Variants in THEMIS2 observed in about 807,000 individuals in gnomAD.
The protein encoded by THEMIS2 is thymocyte selection associated family member 2, also known as protein THEMIS2.
In THEMIS2, 29 loss-of-function variants were observed where a neutral mutation model predicts 46.8. That is an observed-to-expected ratio of 0.62 (90% CI 0.46 to 0.84). The LOEUF (loss-of-function observed/expected upper bound fraction) is 0.84, where lower values mean the gene tolerates loss of function less well. Among genes scored for constraint, THEMIS2 ranks in the 40% least tolerant of loss-of-function variants. THEMIS2 has a pLI of 0.00. For missense variants in THEMIS2, 698 were observed against 834.7 expected (o/e 0.84, Z 2.02); for synonymous variants, 335 against 349.1 (o/e 0.96, Z 0.45).
chr1:27,874,116 C>G (rs1348801364), intron 1 of THEMIS2, among the ~76,000 whole-genome samples: 1 of 148,156 alleles, frequency 6.7e-6, no homozygotes, highest in Non-Finnish European at 1.5e-5. Context: ...ACTGCGGCCT[C>G]GACCTCCTGG....
intron 1 of THEMIS2, among the ~76,000 whole-genome samples, 177 bp from the exon 2 acceptor site, chr1:27,876,411 G>C (rs1056560559): frequency 2.0e-5 from 3 of 152,246 alleles, no homozygotes; most frequent in Non-Finnish European, 4.4e-5. Context: ...GAGGGGCAAG[G>C]ACAGCTGAGG....
At position 27,885,859 on chromosome 1, in the gene THEMIS2, T is replaced by C. The variant is rs1285710350; in HGVS notation, c.1877-8T>C. 1 of 1,613,948 alleles carries C rather than the reference T, an allele frequency of 6.2e-7. No individual in the cohort carries two copies. Among genetic ancestry groups the C allele is most frequent in the East Asian group, 2.2e-5 (1 of 44,886 alleles). On this transcript the variant is annotated splice_region_variant and splice_polypyrimidine_tract_variant and intron_variant, in intron 5 of 5. Coordinates refer to ENST00000373921, the MANE Select transcript of THEMIS2 (RefSeq NM_001105556.3). ...TAAAGATCCTCATTGACTCGGACTCTTTTGCAGATGATGATGAACATGATT... is the reference window on the plus strand; with the variant it reads ...TAAAGATCCTCATTGACTCGGACTCCTTTGCAGATGATGATGAACATGATT...
chr1:27,882,452 G>A lies in THEMIS2; in HGVS notation c.1128G>A (p.Val376=), dbSNP rs368788437. ...TGGCTGTGGGTGACCGGCTGGAGGT[G>A]CTGGGGCCTGGCCAGGCCCATGGGG... The part of the protein sequence containing the change: ...TSLAVGDRLE[V]LGPGQAHGAQ... Residue 376 remains valine, a synonymous_variant, in exon 4 of 6, where the codon GTG becomes GTA. Transcript: ENST00000373921. The surrounding 1 kb of genome is among the most constrained non-coding windows in gnomAD (Gnocchi z 7.6). 2 of 1,612,780 alleles carry A rather than the reference G, an allele frequency of 1.2e-6. No homozygotes were observed. Among genetic ancestry groups the A allele is most frequent in the Non-Finnish European group, 1.7e-6 (2 of 1,179,010 alleles).
intron 1 of THEMIS2, 147 bp from the exon 2 acceptor site, chr1:27,876,441 T>C: frequency 1.0e-6 from 1 of 980,890 alleles, no homozygotes; most frequent in Non-Finnish European, 1.5e-6. Flanking sequence ...CCTGTGGGCA[T>C]GAGGCAGGAA....
rs2089707859 is a variant in THEMIS2 at position 27,882,822 on chromosome 1, A to G, written c.1498A>G (p.Ile500Val). Reference protein sequence around the residue: ...LDSEPGMCFEIPPRWLDLTVV... With the variant: ...LDSEPGMCFEVPPRWLDLTVV... ...CTCTGAGCCTGGGATGTGCTTTGAG[A>G]TCCCTCCCCGGTGGCTGGACCTGAC... is the stretch of plus-strand genomic sequence containing the variant. The change falls in exon 4 of 6, where the codon ATC (isoleucine) becomes GTC (valine). Residue 500 changes from isoleucine (I) to valine (V), a missense_variant. Physicochemically the swap from Ile to Val is conservative, Grantham distance 29. Transcript: ENST00000373921. This position sits in a 1 kb window ranked among gnomAD's most constrained non-coding sequence, Gnocchi z 7.6. 1 of 1,613,632 alleles carries G rather than the reference A, an allele frequency of 6.2e-7. No individual in the cohort carries two copies. Among genetic ancestry groups the G allele is most frequent in the Non-Finnish European group, 8.5e-7 (1 of 1,179,840 alleles).
chr1:27,879,865 C>A lies in THEMIS2; in HGVS notation c.457C>A (p.Gln153Lys), dbSNP rs764238122. ...SARCVLGMEG[Q>K]QVILHLPLSQ... is the part of the protein sequence containing the mutation. ...CCGCTGTGTCCTGGGCATGGAGGGT[C>A]AGCAGGTCATCCTGCACCTGCCCCT... The change falls in exon 3 of 6, where the codon CAG becomes AAG. Residue 153 changes from glutamine to lysine, a missense_variant. Transcript: ENST00000373921. 2 of 1,613,070 alleles carry A rather than the reference C, an allele frequency of 1.2e-6. No homozygotes were observed. Among genetic ancestry groups the A allele is most frequent in the South Asian group, 2.2e-5 (2 of 91,034 alleles).
rs775325762 is a variant in THEMIS2 at position 27,881,930 on chromosome 1, TG to T, written c.647-37del. On this transcript the variant is annotated intron_variant, in intron 3 of 5. Transcript: ENST00000373921. ...CTATGCCTGGGGTGGGGGCCACTCC[TG>T]GGGTGGCATGCAGTGCCACTGAGCT... 8.6e-6 allele frequency: 13 copies of T among 1,517,990 alleles called. No homozygotes were observed. The East Asian group carries it at 3.0e-4, about 35-fold the overall frequency. 94.0% of individuals were successfully genotyped at this position (1,517,990 alleles called of 1,614,324 possible).
rs911934389 is a variant in THEMIS2 at position 27,886,144 on chromosome 1, G to A, written c.*222G>A. 2.9e-5 allele frequency: 16 copies of A among 555,040 alleles called. No homozygotes were observed. Among genetic ancestry groups the A allele is most frequent in the Non-Finnish European group, 4.5e-5 (14 of 310,174 alleles). 34.4% of individuals were successfully genotyped at this position (555,040 alleles called of 1,614,324 possible). A position where few individuals can be genotyped will look rare whatever the true frequency, so the allele number is the denominator to read the frequency against. On this transcript the variant is annotated 3_prime_UTR_variant, in exon 6 of 6. Coordinates refer to ENST00000373921, the MANE Select transcript of THEMIS2 (RefSeq NM_001105556.3). ...CTGGTTTGGACCTAACATCTCGCAC[G>A]TGACTCCCTCAGCCTCAGAGCCTTG...
chr1:27,876,469 C>A (rs2089581207), intron 1 of THEMIS2, 119 bp from the exon 2 acceptor site: 1 of 1,296,042 alleles, frequency 7.7e-7, no homozygotes, highest in Non-Finnish European at 1.1e-6. Flanking sequence ...GCAGGGCATG[C>A]CAGGCAGCAG....
Position 27,882,589 on chromosome 1 carries a change from T to C in THEMIS2, c.1265T>C (p.Leu422Pro). ...EEAESPERVL[L>P]PFHFPGSFVE... The stretch of plus-strand genomic sequence containing the variant: ...GCAGAGAGCCCAGAGCGGGTCCTGC[T>C]GCCCTTCCACTTCCCTGGCAGTTTC... The change falls in exon 4 of 6, where the codon CTG (leucine) becomes CCG (proline). Residue 422 changes from leucine (L) to proline (P), a missense_variant. Coordinates refer to ENST00000373921, the MANE Select transcript of THEMIS2 (RefSeq NM_001105556.3). The surrounding 1 kb of genome is among the most constrained non-coding windows in gnomAD (Gnocchi z 7.6). The C allele has an allele frequency of 2.5e-6, 4 of 1,614,166 alleles. No homozygotes were observed. The highest frequency in any genetic ancestry group is 3.4e-6 in the Non-Finnish European group (4 of 1,180,034).
rs773668991 is a variant in THEMIS2 at position 27,882,600 on chromosome 1, T to G, written c.1276T>G (p.Phe426Val). 22 of 1,613,998 alleles carry G rather than the reference T, an allele frequency of 1.4e-5. No individual in the cohort carries two copies. The highest frequency in any genetic ancestry group is 6.7e-5 in the Admixed American group (4 of 59,998). ...AGAGCGGGTCCTGCTGCCCTTCCAC[T>G]TCCCTGGCAGTTTCGTGGAGGAGAT... ...SPERVLLPFH[F>V]PGSFVEEMSD... Residue 426 changes from phenylalanine to valine, a missense_variant, in exon 4 of 6, where the codon TTC becomes GTC. By Grantham distance (50) the Phe-to-Val change is conservative. Transcript: ENST00000373921. The surrounding 1 kb of genome is among the most constrained non-coding windows in gnomAD (Gnocchi z 7.6).
In THEMIS2 at chr1:27,885,354, C is replaced by G; in HGVS notation, c.1779C>G (p.Thr593=). 1 of 1,614,182 alleles carries G rather than the reference C, an allele frequency of 6.2e-7. No homozygotes were observed. Residue 593 remains threonine (T), a synonymous_variant, in exon 5 of 6, where the codon ACC becomes ACG. Transcript: ENST00000373921. Reference sequence around the variant, plus strand: ...GGCTGCCCAAACCCAAGGCGAAGACCTTGCCAGAGTTCATCAAGGATGGCT... The same window carrying G: ...GGCTGCCCAAACCCAAGGCGAAGACGTTGCCAGAGTTCATCAAGGATGGCT... ...HARLPKPKAK[T]LPEFIKDGSS...
At chr1:27,880,817 C>T (rs2089666953) in intron 3 of THEMIS2, among the ~76,000 whole-genome samples, 1 of 152,018 alleles carries the variant, frequency 6.6e-6, no homozygotes, top group Non-Finnish European at 1.5e-5. Context: ...CTTGCTCTGT[C>T]ACCCAGGCTG....
In THEMIS2 at chr1:27,885,874, T is replaced by A; in HGVS notation, c.1884T>A (p.Asp628Glu). 6.2e-7 allele frequency: 1 copy of A among 1,614,028 alleles called. No homozygotes were observed. Among genetic ancestry groups the A allele is most frequent in the Admixed American group, 1.7e-5 (1 of 60,008 alleles). ...AKPQRQDLDDDEHDYEEILEQ... is the reference protein window; with the variant it reads ...AKPQRQDLDDEEHDYEEILEQ... ...ACTCGGACTCTTTTGCAGATGATGA[T>A]GAACATGATTATGAAGAAATACTTG... Residue 628 changes from aspartate (D) to glutamate (E), a missense_variant, in exon 6 of 6, where the codon GAT (aspartate) becomes GAA (glutamate). Physicochemically the swap from Asp to Glu is conservative, Grantham distance 45. Coordinates refer to ENST00000373921, the MANE Select transcript of THEMIS2 (RefSeq NM_001105556.3).
chr1:27,881,259 G>T (rs534308881), intron 3 of THEMIS2, among the ~76,000 whole-genome samples: 1 of 151,358 alleles, frequency 6.6e-6, no homozygotes, highest in South Asian at 2.1e-4. Context: ...GACCATCCTG[G>T]CTAACATGGT....
At chr1:27,873,092 T>C (rs1208292780) in intron 1 of THEMIS2, among the ~76,000 whole-genome samples, 1 of 152,128 alleles carries the variant, frequency 6.6e-6, no homozygotes, top group Non-Finnish European at 1.5e-5. Flanking sequence ...CTACACTGCC[T>C]TCCTTCAGTC....
chr1:27,875,913 AG>A (rs1334135303), intron 1 of THEMIS2, among the ~76,000 whole-genome samples: 1 of 151,966 alleles, frequency 6.6e-6, no homozygotes, highest in Non-Finnish European at 1.5e-5. Flanking sequence ...TGTGTTAGCC[AG>A]GATGGTCTCG....
At chr1:27,878,127 A>AT (rs1467442561) in intron 2 of THEMIS2, among the ~76,000 whole-genome samples, 2 of 150,664 alleles carry the variant, frequency 1.3e-5, no homozygotes, top group Non-Finnish European at 3.0e-5. Context: ...TCTCTCAAAA[A>AT]AAAAAAAAAA....
At position 27,882,369 on chromosome 1, in the gene THEMIS2, G is replaced by GT. The variant is rs764756927; in HGVS notation, c.1046dup (p.Val350GlyfsTer7). The GT allele has an allele frequency of 1.2e-5, 19 of 1,590,980 alleles. No homozygotes were observed. Among genetic ancestry groups the GT allele is most frequent in the Non-Finnish European group, 1.5e-5 (17 of 1,165,924 alleles). The stretch of plus-strand genomic sequence containing the variant: ...TTTCCAGCCAGGCCGGCCACTCCGG[G>GT]TGGTGGCCACAAAGGACTGTGAGGG... On this transcript the variant is annotated frameshift_variant, in exon 4 of 6. Transcript: ENST00000373921. LOFTEE classifies it high-confidence loss of function. The surrounding 1 kb of genome is among the most constrained non-coding windows in gnomAD (Gnocchi z 7.6).
Sources: allele counts gnomAD v4.1 joint callset (sites outside exome capture counted in the v4.1 genomes callset), GRCh38; gene constraint gnomAD v4.1.1; non-coding constraint Gnocchi (gnomAD v3.1); transcripts MANE v1.5; gene names NCBI Gene and HGNC (gene_info 2026-07-23, HGNC 2026-07-21).